ZNF629: variants seen among roughly 807,000 people sequenced by gnomAD.
ZNF629 encodes zinc finger protein 629.
A neutral mutation model predicts 59.7 loss-of-function variants in ZNF629; 9 were observed. The observed-to-expected ratio is 0.15, with a 90% CI of 0.09 to 0.26. ZNF629 has a LOEUF of 0.26. Among genes scored for constraint, ZNF629 ranks in the 10% least tolerant of loss-of-function variants. ZNF629 has a pLI of 1.00. For missense variants in ZNF629, 853 were observed against 1,165.4 expected, an observed-to-expected ratio of 0.73 and a Z score of 3.90; for synonymous variants, 509 against 498.9, an observed-to-expected ratio of 1.02 and a Z score of -0.27.
rs1302629501 is a variant in ZNF629 at position 30,781,999 on chromosome 16, A to G, written c.2329T>C (p.Phe777Leu). The G allele has an allele frequency of 3.8e-6, 6 of 1,568,824 alleles. No homozygotes were observed. ...CGGGTGAGGGCCACGCGGTCGAGGA[A>G]GGAGGCCCTGCAATCTGAGCAGCGG... ...PYRCSDCRAS[F>L]LDRVALTRHQ... The change falls in exon 3 of 3, where the codon TTC becomes CTC. Residue 777 changes from phenylalanine to leucine, a missense_variant. Coordinates refer to ENST00000262525, the MANE Select transcript of ZNF629 (RefSeq NM_001080417.3).
Position 30,784,508 on chromosome 16 carries a change from C to T in ZNF629, c.-26G>A. ...CCCAGAGCTCAGGACTGCAGTGTTC[C>T]AGGGACCCTGCGGGGGAAGACAGCG... On this transcript the variant is annotated 5_prime_UTR_variant, in exon 2 of 3. Transcript: ENST00000262525. 6.6e-7 allele frequency: 1 copy of T among 1,517,410 alleles called. No individual in the cohort carries two copies. 94.0% of individuals were successfully genotyped at this position (1,517,410 alleles called of 1,614,324 possible). A position where few individuals can be genotyped will look rare whatever the true frequency, so the allele number is the denominator to read the frequency against.
At position 30,784,249 on chromosome 16, in the gene ZNF629, C is replaced by T; in HGVS notation, c.79G>A (p.Glu27Lys). 1.3e-6 allele frequency: 2 copies of T among 1,598,382 alleles called. No individual in the cohort carries two copies. The highest frequency in any genetic ancestry group is 1.1e-5 in the South Asian group (1 of 89,416). Residue 27 changes from glutamate (E) to lysine (K), a missense_variant, in exon 3 of 3, where the codon GAG becomes AAG. By Grantham distance (56) the Glu-to-Lys change is moderately conservative. Coordinates refer to ENST00000262525, the MANE Select transcript of ZNF629 (RefSeq NM_001080417.3). ...QSPNDAHRGA[E>K]SENEEESPRQ... The stretch of plus-strand genomic sequence containing the variant: ...GGGCTCTCCTCTTCGTTTTCACTCT[C>T]GGCACCTACAGAAAGAAAGGGAGTC...
chr16:30,781,797 CACAG>C lies in ZNF629; in HGVS notation c.2527_2530del (p.Leu843AlafsTer62). 1 of 1,611,694 alleles carries C rather than the reference CACAG, an allele frequency of 6.2e-7. No homozygotes were observed. Among genetic ancestry groups the C allele is most frequent in the African/African-American group, 1.3e-5 (1 of 74,908 alleles). ...TGTGAAGCCGGCTCCACACTCGGGG[CACAG>C]ATAGGGCTTTTCTTCCACTAGGGTT... On this transcript the variant is annotated frameshift_variant, in exon 3 of 3. Coordinates refer to ENST00000262525, the MANE Select transcript of ZNF629 (RefSeq NM_001080417.3). LOFTEE classifies it high-confidence loss of function.
In ZNF629 at chr16:30,778,850, G is replaced by C. The variant is rs1220999503; in HGVS notation, c.*2868C>G. ...TCTGAGGGGCCTGGGGCCTGCATGT[G>C]ATTGGACAAGAGGGTTTGGCTGCAC... On this transcript the variant is annotated 3_prime_UTR_variant, in exon 3 of 3. Coordinates refer to ENST00000262525, the MANE Select transcript of ZNF629 (RefSeq NM_001080417.3). 1 of 152,628 alleles carries C rather than the reference G, an allele frequency of 6.6e-6. No homozygotes were observed. The highest frequency in any genetic ancestry group is 1.5e-5 in the Non-Finnish European group (1 of 68,388). 9.5% of individuals were successfully genotyped at this position (152,628 alleles called of 1,614,324 possible).
rs925800229 is a variant in ZNF629 at position 30,778,730 on chromosome 16, A to G, written c.*2988T>C. ...AAGTTCCCATCTGACCTCCATGTCC[A>G]TAGCAGTTTCAAGTTTCACTCTAAG... On this transcript the variant is annotated 3_prime_UTR_variant, in exon 3 of 3. Transcript: ENST00000262525. 1 of 152,470 alleles carries G rather than the reference A, an allele frequency of 6.6e-6. No homozygotes were observed. The highest frequency in any genetic ancestry group is 2.1e-4 in the South Asian group (1 of 4,826). 9.4% of individuals were successfully genotyped at this position (152,470 alleles called of 1,614,324 possible). A position where few individuals can be genotyped will look rare whatever the true frequency, so the allele number is the denominator to read the frequency against.
At position 30,783,807 on chromosome 16, in the gene ZNF629, C is replaced by G; in HGVS notation, c.521G>C (p.Gly174Ala). The change falls in exon 3 of 3, where the codon GGA (glycine) becomes GCA (alanine). Residue 174 changes from glycine to alanine, a missense_variant. Coordinates refer to ENST00000262525, the MANE Select transcript of ZNF629 (RefSeq NM_001080417.3). ...KLLRHQRIHT[G>A]ERPNTCSECG... ...CTCGGAGCAGGTGTTGGGCCGCTCT[C>G]CCGTGTGGATGCGCTGGTGCCGCAG... is the stretch of plus-strand genomic sequence containing the variant. The G allele has an allele frequency of 6.2e-7, 1 of 1,613,382 alleles. No individual in the cohort carries two copies. The highest frequency in any genetic ancestry group is 8.5e-7 in the Non-Finnish European group (1 of 1,179,756).
chr16:30,784,716 G>A (rs1385248333), intron 1 of ZNF629, among the ~76,000 whole-genome samples: 1 of 151,692 alleles, frequency 6.6e-6, no homozygotes, highest in Non-Finnish European at 1.5e-5. Context: ...CAGATCTTAA[G>A]CGCACAGCTA....
At position 30,779,463 on chromosome 16, in the gene ZNF629, T is replaced by C. The variant is rs1661945112; in HGVS notation, c.*2255A>G. ...TCATTCTTACAGGGCACCCCCTTCG[T>C]TGGCGTTCTGTTAGGAAGAGACCCA... is the stretch of plus-strand genomic sequence containing the variant. On this transcript the variant is annotated 3_prime_UTR_variant, in exon 3 of 3. Coordinates refer to ENST00000262525, the MANE Select transcript of ZNF629 (RefSeq NM_001080417.3). The C allele has an allele frequency of 6.6e-6, 1 of 152,206 alleles. No individual in the cohort carries two copies. The highest frequency in any genetic ancestry group is 2.4e-5 in the African/African-American group (1 of 41,442). 9.4% of individuals were successfully genotyped at this position (152,206 alleles called of 1,614,324 possible).
At position 30,778,523 on chromosome 16, in the gene ZNF629, A is replaced by T. The variant is rs1046652093; in HGVS notation, c.*3195T>A. 1.1e-4 allele frequency: 17 copies of T among 152,698 alleles called. No homozygotes were observed. Among genetic ancestry groups the T allele is most frequent in the African/African-American group, 3.9e-4 (16 of 41,450 alleles). 9.5% of individuals were successfully genotyped at this position (152,698 alleles called of 1,614,324 possible). A position where few individuals can be genotyped will look rare whatever the true frequency, so the allele number is the denominator to read the frequency against. On this transcript the variant is annotated 3_prime_UTR_variant, in exon 3 of 3. Transcript: ENST00000262525. ...CACCAGTGACACAACACTGTTTTGG[A>T]CACACAACACTCAAAAATGGGGCCT...
Position 30,781,693 on chromosome 16 carries a change from G to A in ZNF629, c.*25C>T, listed in dbSNP as rs753960328. On this transcript the variant is annotated 3_prime_UTR_variant, in exon 3 of 3. Coordinates refer to ENST00000262525, the MANE Select transcript of ZNF629 (RefSeq NM_001080417.3). Reference sequence around the variant, plus strand: ...TCCAGTGTTCCTCTCTGGAGAGAGCGAGGCCCCTGGTCTCCAGACCCATTT... The same window carrying A: ...TCCAGTGTTCCTCTCTGGAGAGAGCAAGGCCCCTGGTCTCCAGACCCATTT... 6.3e-6 allele frequency: 10 copies of A among 1,574,814 alleles called. No homozygotes were observed. The highest frequency in any genetic ancestry group is 4.6e-5 in the East Asian group (2 of 43,786).
rs997483075 is a variant in ZNF629 at position 30,786,877 on chromosome 16, C to G, written c.-34+151G>C. On this transcript the variant is annotated intron_variant, in intron 1 of 2. Coordinates refer to ENST00000262525, the MANE Select transcript of ZNF629 (RefSeq NM_001080417.3). The surrounding 1 kb of genome is among the most constrained non-coding windows in gnomAD (Gnocchi z 4.8). ...CAGAATCCTCGGCCCTCCGCGCCCC[C>G]CGCCCGCCCCCACCCCGGCCACAGC... is the stretch of plus-strand genomic sequence containing the variant. 2.0e-5 allele frequency among the ~76,000 whole-genome samples: 3 copies of G among 151,872 alleles called. No individual in the cohort carries two copies. The highest frequency in any genetic ancestry group is 6.6e-5 in the Admixed American group (1 of 15,260).
chr16:30,782,000 G>A lies in ZNF629; in HGVS notation c.2328C>T (p.Ser776=), dbSNP rs2054285706. Residue 776 remains serine (S), a synonymous_variant, in exon 3 of 3, where the codon TCC becomes TCT. Coordinates refer to ENST00000262525, the MANE Select transcript of ZNF629 (RefSeq NM_001080417.3). The part of the protein sequence containing the change: ...RPYRCSDCRA[S]FLDRVALTRH... ...GGGTGAGGGCCACGCGGTCGAGGAA[G>A]GAGGCCCTGCAATCTGAGCAGCGGT... is the stretch of plus-strand genomic sequence containing the variant. The A allele has an allele frequency of 5.1e-6, 8 of 1,568,942 alleles. No individual in the cohort carries two copies. The South Asian group carries it at 7.1e-5, about 14-fold the overall frequency.
At position 30,782,053 on chromosome 16, in the gene ZNF629, G is replaced by T. The variant is rs756748473; in HGVS notation, c.2275C>A (p.Leu759Ile). 1 of 1,572,308 alleles carries T rather than the reference G, an allele frequency of 6.4e-7. No homozygotes were observed. Among genetic ancestry groups the T allele is most frequent in the East Asian group, 2.2e-5 (1 of 44,448 alleles). ...GGTCTGGCCCCCAGGGGGCTCCTGAGATGCTCCAGGAGGACGGAAGAGCTC... is the reference window on the plus strand; with the variant it reads ...GGTCTGGCCCCCAGGGGGCTCCTGATATGCTCCAGGAGGACGGAAGAGCTC... ...GKSSSVLLEH[L>I]RSPLGARPYR... Residue 759 changes from leucine to isoleucine, a missense_variant, in exon 3 of 3, where the codon CTC (leucine) becomes ATC (isoleucine). Around this residue, in one of 3 missense-constraint regions of ZNF629, gnomAD observed 420 missense variants for 435.6 expected, o/e 0.96. Transcript: ENST00000262525.
In ZNF629 at chr16:30,779,361, G is replaced by C. The variant is rs192565372; in HGVS notation, c.*2357C>G. ...TGAGAGCATCTGCTTCTGGCTTTGC[G>C]AGAGGTTTGTCTTTACAACTTCAGT... On this transcript the variant is annotated 3_prime_UTR_variant, in exon 3 of 3. Transcript: ENST00000262525. 1 of 152,314 alleles carries C rather than the reference G, an allele frequency of 6.6e-6. No individual in the cohort carries two copies. Among genetic ancestry groups the C allele is most frequent in the Admixed American group, 6.5e-5 (1 of 15,288 alleles). The allele number at this position is 152,314 out of a possible 1,614,324, so 9.4% of individuals were successfully genotyped here. A position where few individuals can be genotyped will look rare whatever the true frequency, so the allele number is the denominator to read the frequency against.
rs1221765400 is a variant in ZNF629, at chr16:30,786,375, A to G, written c.-34+653T>C. Among the ~76,000 whole-genome samples, 1 of 152,004 alleles carries G rather than the reference A, an allele frequency of 6.6e-6. No homozygotes were observed. Among genetic ancestry groups the G allele is most frequent in the Non-Finnish European group, 1.5e-5 (1 of 68,000 alleles). On this transcript the variant is annotated intron_variant, in intron 1 of 2. Coordinates refer to ENST00000262525, the MANE Select transcript of ZNF629 (RefSeq NM_001080417.3). This position sits in a 1 kb window ranked among gnomAD's most constrained non-coding sequence, Gnocchi z 4.8. ...TGTGGACCTCGATGGTCTCCAAAAA[A>G]TTCTCCCCTAGTGGTCCAGAGTAGG...
rs752477965 is a variant in ZNF629 at position 30,782,025 on chromosome 16, T to C, written c.2303A>G (p.Tyr768Cys). Residue 768 changes from tyrosine to cysteine, a missense_variant, in exon 3 of 3, where the codon TAC becomes TGC. Physicochemically the swap from Tyr to Cys is radical, Grantham distance 194. Around this residue, in one of 3 missense-constraint regions of ZNF629, gnomAD observed 420 missense variants for 435.6 expected, o/e 0.96. Transcript: ENST00000262525. ...GGAGGCCCTGCAATCTGAGCAGCGG[T>C]AGGGTCTGGCCCCCAGGGGGCTCCT... ...HLRSPLGARP[Y>C]RCSDCRASFL... 7 of 1,575,556 alleles carry C rather than the reference T, an allele frequency of 4.4e-6. No individual in the cohort carries two copies. The African/African-American group carries it at 9.5e-5, about 21-fold the overall frequency.
rs1438282827 is a variant in ZNF629 at position 30,778,508 on chromosome 16, A to G, written c.*3210T>C. The G allele has an allele frequency of 6.5e-6, 1 of 152,752 alleles. No individual in the cohort carries two copies. The highest frequency in any genetic ancestry group is 2.4e-5 in the African/African-American group (1 of 41,472). The allele number at this position is 152,752 out of a possible 1,614,324, so 9.5% of individuals were successfully genotyped here. On this transcript the variant is annotated 3_prime_UTR_variant, in exon 3 of 3. Transcript: ENST00000262525. The stretch of plus-strand genomic sequence containing the variant: ...ACTAAGCAACATGACCACCAGTGAC[A>G]CAACACTGTTTTGGACACACAACAC...
At position 30,781,629 on chromosome 16, in the gene ZNF629, T is replaced by A; in HGVS notation, c.*89A>T. ...CCACTCCACTACCATCTGATAGGGT[T>A]ATCCTCCCTTCCCCATGTAATTTTT... On this transcript the variant is annotated 3_prime_UTR_variant, in exon 3 of 3. Transcript: ENST00000262525. The A allele has an allele frequency of 7.5e-7, 1 of 1,327,020 alleles. No individual in the cohort carries two copies. The highest frequency in any genetic ancestry group is 1.6e-5 in the South Asian group (1 of 63,266). The allele number at this position is 1,327,020 out of a possible 1,614,324, so 82.2% of individuals were successfully genotyped here. A position where few individuals can be genotyped will look rare whatever the true frequency, so the allele number is the denominator to read the frequency against.
chr16:30,782,584 C>T lies in ZNF629; in HGVS notation c.1744G>A (p.Gly582Ser), dbSNP rs1259467730. Residue 582 changes from glycine (G) to serine (S), a missense_variant, in exon 3 of 3, where the codon GGC (glycine) becomes AGC (serine). Physicochemically the swap from Gly to Ser is moderately conservative, Grantham distance 56. Transcript: ENST00000262525. The stretch of plus-strand genomic sequence containing the variant: ...ATCCTCTGATGTTGCATGAAGATGC[C>T]CTCGTCGTTGAAGCCCTTTCCGCAC... The part of the protein sequence containing the change: ...LVCGKGFNDE[G>S]IFMQHQRIHI... 6.4e-7 allele frequency: 1 copy of T among 1,561,076 alleles called. No individual in the cohort carries two copies. Among genetic ancestry groups the T allele is most frequent in the African/African-American group, 1.4e-5 (1 of 73,544 alleles).
Sources: gnomAD v4.1 joint callset for allele counts (sites outside exome capture counted in the v4.1 genomes callset) on GRCh38, gnomAD v4.1.1 for gene constraint, gnomAD v4.1.1 regional missense constraint, Gnocchi (gnomAD v3.1) non-coding constraint, MANE v1.5 for transcripts, NCBI Gene and HGNC (gene_info 2026-07-23, HGNC 2026-07-21) for gene names.